Variants in SANBR observed in about 807,000 individuals in gnomAD.
SANBR encodes SANT and BTB domain regulator of class switch recombination.
Under a neutral mutation model 101.8 loss-of-function variants are expected in SANBR, and 77 were observed. The observed-to-expected ratio is 0.76, with a 90% confidence interval of 0.63 to 0.91. The LOEUF is 0.91. SANBR is among the 40% of genes least tolerant of loss of function. The probability of loss-of-function intolerance (pLI) is 0.00; values close to 1 mark genes in which losing one functional copy is unlikely to be tolerated. For missense variants in SANBR, 875 were observed against 853.0 expected (o/e 1.03, Z -0.32); for synonymous variants, 279 against 274.7 (o/e 1.02, Z -0.15).
Position 61,123,555 on chromosome 2 carries a change from A to G in SANBR, c.*1393A>G. On this transcript the variant is annotated 3_prime_UTR_variant, in exon 22 of 22. Coordinates refer to ENST00000402291, the MANE Select transcript of SANBR (RefSeq NM_001129993.3). ...CGAAAGAAAATGTCTTGTAGTACAT[A>G]TTATATGTAAGTACTCTGTTAAATA... 3.1e-6 allele frequency: 3 copies of G among 963,770 alleles called. No individual in the cohort carries two copies. Among genetic ancestry groups the G allele is most frequent in the South Asian group, 4.8e-5 (1 of 20,810 alleles). 59.7% of individuals were successfully genotyped at this position (963,770 alleles called of 1,614,324 possible). A position where few individuals can be genotyped will look rare whatever the true frequency, so the allele number is the denominator to read the frequency against.
chr2:61,119,593 A>G (rs1276396326), intron 20 of SANBR, among the ~76,000 whole-genome samples: 1 of 152,210 alleles, frequency 6.6e-6, no homozygotes, highest in Non-Finnish European at 1.5e-5. Context: ...AAGGATTTCC[A>G]TGCCAGATAA....
Position 61,103,991 on chromosome 2 carries a change from A to T in SANBR, c.1504A>T (p.Thr502Ser). 6.2e-7 allele frequency: 1 copy of T among 1,614,068 alleles called. No individual in the cohort carries two copies. Among genetic ancestry groups the T allele is most frequent in the Non-Finnish European group, 8.5e-7 (1 of 1,179,926 alleles). ...DVIVVPFSKD[T>S]VSDVGVGLCD... is the part of the protein sequence containing the mutation. ...CATTGTTGTGCCTTTTTCAAAAGAT[A>T]CAGTTAGGTGAGGGGTGGAAAAACC... is the stretch of plus-strand genomic sequence containing the variant. Residue 502 changes from threonine (T) to serine (S), a missense_variant, in exon 13 of 22, where the codon ACA (threonine) becomes TCA (serine). Transcript: ENST00000402291.
intron 12 of SANBR, among the ~76,000 whole-genome samples, chr2:61,098,208 A>G (rs1256333036): frequency 3.3e-5 from 5 of 151,344 alleles, no homozygotes; most frequent in African/African-American, 9.7e-5. Flanking sequence ...GGCTCAAACA[A>G]TCCTCCCACC....
intron 8 of SANBR, among the ~76,000 whole-genome samples, chr2:61,083,643 G>A (rs1260049932): frequency 6.6e-6 from 1 of 152,036 alleles, no homozygotes; most frequent in Non-Finnish European, 1.5e-5. Flanking sequence ...GCCGAGGCGG[G>A]CAGATCACGA....
At chr2:61,097,923 G>T (rs1354326587) in intron 12 of SANBR, 71 bp downstream of exon 12, 15 of 1,256,312 alleles carry the variant, frequency 1.2e-5, no homozygotes, top group East Asian at 2.4e-5. Context: ...ATGTATAAAA[G>T]ACTTCAAACA....
Position 61,121,296 on chromosome 2 carries a change from A to C in SANBR, c.2120+20A>C. 2 of 1,530,230 alleles carry C rather than the reference A, an allele frequency of 1.3e-6. No individual in the cohort carries two copies. The highest frequency in any genetic ancestry group is 1.8e-6 in the Non-Finnish European group (2 of 1,128,474). 94.8% of individuals were successfully genotyped at this position (1,530,230 alleles called of 1,614,324 possible). A position where few individuals can be genotyped will look rare whatever the true frequency, so the allele number is the denominator to read the frequency against. Reference sequence around the variant, plus strand: ...CACAAGGTAAATCAGCATAAACTAAACCAGAGTGTCAGTGGCTTTGAAGTG... The same window carrying C: ...CACAAGGTAAATCAGCATAAACTAACCCAGAGTGTCAGTGGCTTTGAAGTG... On this transcript the variant is annotated intron_variant, in intron 21 of 21. Coordinates refer to ENST00000402291, the MANE Select transcript of SANBR (RefSeq NM_001129993.3).
chr2:61,133,217 A>C (rs1374717776), intron 20 of SANBR, among the ~76,000 whole-genome samples: 5 of 152,160 alleles, frequency 3.3e-5, no homozygotes, highest in Non-Finnish European at 5.9e-5. Flanking sequence ...ACGTTACTGC[A>C]CTGCACTCCA....
At position 61,122,209 on chromosome 2, in the gene SANBR, A is replaced by G; in HGVS notation, c.*47A>G. 1 of 1,516,474 alleles carries G rather than the reference A, an allele frequency of 6.6e-7. No homozygotes were observed. The allele number at this position is 1,516,474 out of a possible 1,614,324, so 93.9% of individuals were successfully genotyped here. ...AAAGAGAGAAGGCACTCTTCTGGAC[A>G]TCTGAAATTGCTCACTTCTTGAAGA... On this transcript the variant is annotated 3_prime_UTR_variant, in exon 22 of 22. Coordinates refer to ENST00000402291, the MANE Select transcript of SANBR (RefSeq NM_001129993.3).
chr2:61,102,560 C>G (rs1010376110), intron 12 of SANBR, among the ~76,000 whole-genome samples: 4 of 150,286 alleles, frequency 2.7e-5, no homozygotes, highest in Non-Finnish European at 3.0e-5. Context: ...GAGGTGGAGT[C>G]TTGCTCTTGC....
intron 21 of SANBR, among the ~76,000 whole-genome samples, chr2:61,136,024 G>A (rs143589083): frequency 3.6e-4 from 55 of 152,314 alleles, no homozygotes; most frequent in Admixed American, 8.5e-4. Flanking sequence ...AAAAATCAAG[G>A]TTGGGCGCAT....
At chr2:61,111,588 C>G (rs1683833361) in intron 16 of SANBR, among the ~76,000 whole-genome samples, 1 of 152,194 alleles carries the variant, frequency 6.6e-6, no homozygotes, top group South Asian at 2.1e-4. Flanking sequence ...TTATATGTTA[C>G]AAAATTCACC....
At chr2:61,072,050 G>A (rs1681502173) in intron 4 of SANBR, among the ~76,000 whole-genome samples, 1 of 151,976 alleles carries the variant, frequency 6.6e-6, no homozygotes, top group African/African-American at 2.4e-5. Flanking sequence ...AGATCCTCCT[G>A]CCTCAGCCTC....
chr2:61,081,479 T>G lies in SANBR; in HGVS notation c.698T>G (p.Ile233Ser). 3 of 1,579,190 alleles carry G rather than the reference T, an allele frequency of 1.9e-6. No homozygotes were observed. Among genetic ancestry groups the G allele is most frequent in the Non-Finnish European group, 2.6e-6 (3 of 1,166,464 alleles). The change falls in exon 7 of 22, where the codon ATT (isoleucine) becomes AGT (serine). Residue 233 changes from isoleucine to serine, a missense_variant. Ile to Ser is a moderately radical substitution (Grantham distance 142, BLOSUM62 -2). Transcript: ENST00000402291. ...CCAGGAAATGTCATTTCAATTCTTA[T>G]TTCTTCGGAGTTTTTAAAAATGGAT... ...LEPGNVISIL[I>S]SSEFLKMDSL...
chr2:61,076,627 A>T (rs1430259967), intron 5 of SANBR, among the ~76,000 whole-genome samples: 2 of 139,628 alleles, frequency 1.4e-5, no homozygotes, highest in African/African-American at 2.6e-5. Flanking sequence ...GACTCCGTCT[A>T]AAAAAAAAAA....
chr2:61,105,935 G>A (rs1683541799), intron 13 of SANBR, among the ~76,000 whole-genome samples: 1 of 152,144 alleles, frequency 6.6e-6, no homozygotes, highest in Non-Finnish European at 1.5e-5. Flanking sequence ...CTCGCAAAGT[G>A]CTGGGATTAG....
rs370974335 is a variant in SANBR, at chr2:61,122,136, C to T, written c.2131C>T (p.Arg711Cys). Residue 711 changes from arginine (R) to cysteine (C), a missense_variant, in exon 22 of 22, where the codon CGT (arginine) becomes TGT (cysteine). Arg to Cys is a radical substitution (Grantham distance 180). Coordinates refer to ENST00000402291, the MANE Select transcript of SANBR (RefSeq NM_001129993.3). Reference sequence around the variant, plus strand: ...GTTTAAAAAATCTAGGTCTAAAAGTCGTTTTGGTCAAGGGCGTCCTGCATA... The same window carrying T: ...GTTTAAAAAATCTAGGTCTAAAAGTTGTTTTGGTCAAGGGCGTCCTGCATA... Reference protein sequence around the residue: ...SSEKNTRSKSRFGQGRPA With the variant: ...SSEKNTRSKSCFGQGRPA The T allele has an allele frequency of 1.1e-5, 17 of 1,550,264 alleles. No individual in the cohort carries two copies. Among genetic ancestry groups the T allele is most frequent in the Non-Finnish European group, 1.3e-5 (15 of 1,145,962 alleles).
At position 61,070,361 on chromosome 2, in the gene SANBR, G is replaced by C; in HGVS notation, c.11G>C (p.Gly4Ala). The change falls in exon 3 of 22, where the codon GGA becomes GCA. Residue 4 changes from glycine to alanine, a missense_variant. Transcript: ENST00000402291. MSR[G>A]YSENNNFLNN... ...CCCTAGTTCCAAAAGATGAGTCGTG[G>C]ATATTCAGAAAACAACAATTTCCTG... The C allele has an allele frequency of 6.3e-7, 1 of 1,580,694 alleles. No individual in the cohort carries two copies. The highest frequency in any genetic ancestry group is 1.2e-5 in the South Asian group (1 of 84,312).
rs376404185 is a variant in SANBR at position 61,097,732 on chromosome 2, A to G, written c.1245A>G (p.Gln415=). ...AFLCIEFSHC[Q]YHSETVVYPT... The stretch of plus-strand genomic sequence containing the variant: ...TCTGTATTGAATTTTCACATTGTCA[A>G]TACCACTCAGAAACAGTGGTTTATC... Residue 415 remains glutamine, a synonymous_variant, in exon 12 of 22, where the codon CAA becomes CAG. Coordinates refer to ENST00000402291, the MANE Select transcript of SANBR (RefSeq NM_001129993.3). The G allele has an allele frequency of 4.9e-5, 79 of 1,609,386 alleles. No individual in the cohort carries two copies. Among genetic ancestry groups the G allele is most frequent in the Admixed American group, 3.3e-4 (20 of 59,932 alleles).
At chr2:61,134,257 G>C (rs1213326034) in exon 21 of SANBR, 1 of 1,572,424 alleles carries the variant, frequency 6.4e-7, no homozygotes, top group Non-Finnish European at 8.6e-7. Context: ...GAAAGGACTT[G>C]GAATACTGCT....
Sources: gnomAD v4.1 joint callset for allele counts (sites outside exome capture counted in the v4.1 genomes callset) on GRCh38, gnomAD v4.1.1 for gene constraint, MANE v1.5 for transcripts, NCBI Gene and HGNC (gene_info 2026-07-23, HGNC 2026-07-21) for gene names.